Variants in KCMF1 observed in about 807,000 individuals in gnomAD.
KCMF1 encodes potassium channel modulatory factor 1.
In KCMF1, 3 loss-of-function variants were observed where a neutral mutation model predicts 41.1. The ratio of observed to expected loss-of-function variants is 0.07; its 90% CI spans 0.03 to 0.19. KCMF1 has a LOEUF of 0.19. Among genes scored for constraint, KCMF1 ranks in the 10% least tolerant of loss-of-function variants. The probability of loss-of-function intolerance (pLI) is 1.00; values close to 1 mark genes in which losing one functional copy is unlikely to be tolerated. For missense variants in KCMF1, 286 were observed against 488.9 expected (o/e 0.58, Z 3.91); for synonymous variants, 142 against 164.5 (o/e 0.86, Z 1.04).
At chr2:84,999,906 A>G (rs1674285682) in intron 1 of KCMF1, among the ~76,000 whole-genome samples, 1 of 152,176 alleles carries the variant, frequency 6.6e-6, no homozygotes, top group African/African-American at 2.4e-5. Flanking sequence ...GGTGGCATTT[A>G]CATTCAGCCC....
intron 1 of KCMF1, among the ~76,000 whole-genome samples, chr2:85,011,925 G>A (rs1191625100): frequency 1.3e-5 from 2 of 152,172 alleles, no homozygotes; most frequent in East Asian, 1.9e-4. Flanking sequence ...TTAGAACTGA[G>A]AGTGTCTCCA....
chr2:84,973,825 CTTTTTTTTT>C (rs1238178193), intron 1 of KCMF1, among the ~76,000 whole-genome samples: 1 of 110,278 alleles, frequency 9.1e-6, no homozygotes, highest in Non-Finnish European at 1.9e-5. Flanking sequence ...TTATTTCTTT[CTTTTTTTTT>C]TTTTTTTTTT....
At chr2:84,987,520 A>G (rs1673932907) in intron 1 of KCMF1, among the ~76,000 whole-genome samples, 1 of 152,228 alleles carries the variant, frequency 6.6e-6, no homozygotes, top group Non-Finnish European at 1.5e-5. Context: ...GAGTGCTGGA[A>G]GAATTGCAGG....
intron 1 of KCMF1, among the ~76,000 whole-genome samples, chr2:85,022,133 G>T (rs1052206081): frequency 1.3e-5 from 2 of 151,674 alleles, no homozygotes; most frequent in Non-Finnish European, 2.9e-5. Flanking sequence ...TTTTGTTGTT[G>T]TTTTTTGTTT....
At chr2:85,003,957 A>T (rs1378372762) in intron 1 of KCMF1, among the ~76,000 whole-genome samples, 1 of 152,128 alleles carries the variant, frequency 6.6e-6, no homozygotes, top group Non-Finnish European at 1.5e-5. Context: ...CACCCAGTGG[A>T]TGCCTGAACC....
chr2:85,049,442 G>A lies in KCMF1; in HGVS notation c.678G>A (p.Gln226=). 6.2e-7 allele frequency: 1 copy of A among 1,614,034 alleles called. No homozygotes were observed. Among genetic ancestry groups the A allele is most frequent in the Non-Finnish European group, 8.5e-7 (1 of 1,179,906 alleles). ...ATTCCTCTGGCCCTTCCGCTTCTCA[G>A]TTACAACAACTGCAGATGCAGCTGC... The part of the protein sequence containing the change: ...QLNSSGPSAS[Q]LQQLQMQLQL... The change falls in exon 6 of 7, where the codon CAG becomes CAA. Residue 226 remains glutamine, a synonymous_variant. Coordinates refer to ENST00000409785, the MANE Select transcript of KCMF1 (RefSeq NM_020122.5).
At chr2:85,015,153 CA>C (rs34773304) in intron 1 of KCMF1, among the ~76,000 whole-genome samples, 9,483 of 49,104 alleles carry the variant, frequency 0.19, 310 homozygotes, top group East Asian at 0.33. Flanking sequence ...GACTCCATCT[CA>C]AAAAAAAAAA....
chr2:85,057,524 C>T lies in KCMF1; in HGVS notation c.*4115C>T, dbSNP rs1395468290. ...TGTCATGAAATTCTGTGCTATTAAACATGGCTATGTCTGAGTCAGTCATTA... is the reference window on the plus strand; with the variant it reads ...TGTCATGAAATTCTGTGCTATTAAATATGGCTATGTCTGAGTCAGTCATTA... On this transcript the variant is annotated 3_prime_UTR_variant, in exon 7 of 7. Coordinates refer to ENST00000409785, the MANE Select transcript of KCMF1 (RefSeq NM_020122.5). 6.6e-6 allele frequency: 1 copy of T among 152,254 alleles called. No homozygotes were observed. The highest frequency in any genetic ancestry group is 1.5e-5 in the Non-Finnish European group (1 of 68,070). 9.4% of individuals were successfully genotyped at this position (152,254 alleles called of 1,614,324 possible).
chr2:85,051,360 C>T (rs1291392211), intron 6 of KCMF1, among the ~76,000 whole-genome samples: 1 of 152,098 alleles, frequency 6.6e-6, no homozygotes, highest in Admixed American at 6.5e-5. Flanking sequence ...TGAGAGTTCA[C>T]AGAACTGTGG....
At chr2:85,001,880 A>G (rs1674338429) in intron 1 of KCMF1, among the ~76,000 whole-genome samples, 1 of 152,234 alleles carries the variant, frequency 6.6e-6, no homozygotes, top group South Asian at 2.1e-4. Context: ...CCTAGGCTAT[A>G]TGGATAGCTT....
intron 1 of KCMF1, among the ~76,000 whole-genome samples, chr2:84,994,380 C>T (rs1032480244): frequency 6.6e-6 from 1 of 152,092 alleles, no homozygotes; most frequent in Non-Finnish European, 1.5e-5. Context: ...TGCAATGTTA[C>T]TATCACACCT....
chr2:85,002,626 T>TC (rs1674362113), intron 1 of KCMF1, among the ~76,000 whole-genome samples: 1 of 150,610 alleles, frequency 6.6e-6, no homozygotes, highest in South Asian at 2.1e-4. Flanking sequence ...TTTTTTTTTT[T>TC]CACTAATATC....
intron 1 of KCMF1, among the ~76,000 whole-genome samples, chr2:84,996,505 G>C (rs753456889): frequency 2.1e-5 from 3 of 140,228 alleles, no homozygotes; most frequent in Non-Finnish European, 4.5e-5. Context: ...GTGCAATCCC[G>C]GCTCACTGGA....
At chr2:85,024,567 A>T (rs1675039272) in intron 1 of KCMF1, among the ~76,000 whole-genome samples, 1 of 137,864 alleles carries the variant, frequency 7.3e-6, no homozygotes, top group South Asian at 2.4e-4. Context: ...AGAGAGAGAG[A>T]GAGAGAGAGA....
At chr2:84,990,435 G>T (rs1479292397) in intron 1 of KCMF1, among the ~76,000 whole-genome samples, 1 of 152,154 alleles carries the variant, frequency 6.6e-6, no homozygotes, top group African/African-American at 2.4e-5. Flanking sequence ...TTATATTTTA[G>T]TGGAGACTGG....
intron 1 of KCMF1, among the ~76,000 whole-genome samples, chr2:84,985,535 A>G (rs17025770): frequency 0.066 from 10,091 of 152,222 alleles, 583 homozygotes; most frequent in East Asian, 0.34. Flanking sequence ...TTTGAATGTA[A>G]AACCCTTGGG....
At chr2:84,980,318 A>G (rs112170502) in intron 1 of KCMF1, among the ~76,000 whole-genome samples, 2 of 152,196 alleles carry the variant, frequency 1.3e-5, no homozygotes, top group African/African-American at 2.4e-5. Context: ...AAGACAGGCA[A>G]GGTGGGTGTG....
chr2:84,982,443 C>G (rs1474743281), intron 1 of KCMF1, among the ~76,000 whole-genome samples: 2 of 127,016 alleles, frequency 1.6e-5, no homozygotes, highest in African/African-American at 6.6e-5. Flanking sequence ...TACTTGTCGC[C>G]CAGGCTGGAG....
chr2:85,003,461 G>A (rs867173261), intron 1 of KCMF1, among the ~76,000 whole-genome samples: 3 of 151,834 alleles, frequency 2.0e-5, no homozygotes, highest in African/African-American at 7.3e-5. Flanking sequence ...CTGGGCGACA[G>A]AGTGAGACTC....
Sources: gnomAD v4.1 joint callset for allele counts (sites outside exome capture counted in the v4.1 genomes callset) on GRCh38, gnomAD v4.1.1 for gene constraint, MANE v1.5 for transcripts, NCBI Gene and HGNC (gene_info 2026-07-23, HGNC 2026-07-21) for gene names.